The following XPR1 variants were observed in gnomAD, a reference collection of about 807,000 sequenced individuals.
XPR1 encodes solute carrier family 53 member 1.
In XPR1, 28 loss-of-function variants were observed where a neutral mutation model predicts 87.5. The ratio of observed to expected loss-of-function variants is 0.32; its 90% CI spans 0.24 to 0.44. The LOEUF (loss-of-function observed/expected upper bound fraction) is 0.44. Among genes scored for constraint, XPR1 ranks in the 20% least tolerant of loss-of-function variants. The pLI is 1.00. For missense variants in XPR1, 559 were observed against 862.3 expected (o/e 0.65, Z 4.41); for synonymous variants, 300 against 306.1 (o/e 0.98, Z 0.21).
intron 2 of XPR1, among the ~76,000 whole-genome samples, chr1:180,698,232 T>TCA (rs1657232594): frequency 6.6e-6 from 1 of 152,194 alleles, no homozygotes; most frequent in Non-Finnish European, 1.5e-5. Flanking sequence ...AAGTTTGTTT[T>TCA]ATCTGATAAC....
intron 1 of XPR1, among the ~76,000 whole-genome samples, chr1:180,659,276 C>T: frequency 9.4e-6 from 1 of 105,988 alleles, no homozygotes; most frequent in African/African-American, 3.7e-5. Flanking sequence ...CTCCCTCCCT[C>T]CCTTCTTTCC....
intron 1 of XPR1, among the ~76,000 whole-genome samples, chr1:180,637,913 T>TA (rs1229335323): frequency 6.6e-6 from 1 of 152,210 alleles, no homozygotes; most frequent in African/African-American, 2.4e-5. Context: ...AACTTGACTG[T>TA]AAGTGTATAT....
At chr1:180,825,044 A>T (rs1244166544) in intron 8 of XPR1, 101 bp downstream of exon 8, 4 of 1,499,408 alleles carry the variant, frequency 2.7e-6, no homozygotes, top group Non-Finnish European at 3.6e-6. Context: ...CTTGAAGAGG[A>T]TTATTAGCTT....
chr1:180,880,956 G>A (rs1652835075), intron 14 of XPR1, among the ~76,000 whole-genome samples: 1 of 152,194 alleles, frequency 6.6e-6, no homozygotes, highest in African/African-American at 2.4e-5. Context: ...TGGAATGAAG[G>A]AGGCTTAGGT....
intron 11 of XPR1, among the ~76,000 whole-genome samples, chr1:180,855,916 C>T (rs1652013973): frequency 6.6e-6 from 1 of 152,112 alleles, no homozygotes; most frequent in Non-Finnish European, 1.5e-5. Flanking sequence ...CTGTGCACTG[C>T]TCTCATTTCC....
intron 1 of XPR1, among the ~76,000 whole-genome samples, chr1:180,651,381 G>A (rs936864233): frequency 3.9e-5 from 6 of 152,018 alleles, no homozygotes; most frequent in East Asian, 3.9e-4. Flanking sequence ...TGTGAGCCAC[G>A]CACCTCGCCC....
chr1:180,679,993 G>A (rs903070367), intron 1 of XPR1, among the ~76,000 whole-genome samples: 1 of 151,858 alleles, frequency 6.6e-6, no homozygotes, highest in Admixed American at 6.6e-5. Flanking sequence ...ACACTACAGG[G>A]GATTAATATC....
chr1:180,720,494 A>G (rs1658145976), intron 2 of XPR1, among the ~76,000 whole-genome samples: 1 of 152,214 alleles, frequency 6.6e-6, no homozygotes, highest in Admixed American at 6.5e-5. Context: ...GCATTTATAA[A>G]TTGATGAATT....
intron 3 of XPR1, 36 bp downstream of exon 3, chr1:180,787,890 G>A: frequency 6.9e-7 from 1 of 1,450,174 alleles, no homozygotes; most frequent in Non-Finnish European, 9.6e-7. Flanking sequence ...TTGCTGCCGG[G>A]GAAGGATAAA....
chr1:180,856,158 A>G (rs1390777442), intron 11 of XPR1, among the ~76,000 whole-genome samples: 1 of 152,166 alleles, frequency 6.6e-6, no homozygotes, highest in Non-Finnish European at 1.5e-5. Flanking sequence ...CTCCATTCCT[A>G]TAACCACAAT....
chr1:180,677,574 GT>G (rs980095613), intron 1 of XPR1, among the ~76,000 whole-genome samples: 5 of 152,152 alleles, frequency 3.3e-5, no homozygotes, highest in Non-Finnish European at 5.9e-5. Context: ...ACTGATCTTA[GT>G]TTTATAATAG....
At chr1:180,712,200 C>A (rs529785385) in intron 2 of XPR1, among the ~76,000 whole-genome samples, 2 of 152,032 alleles carry the variant, frequency 1.3e-5, no homozygotes, top group Non-Finnish European at 1.5e-5. Context: ...TACTCTTGCC[C>A]TTTGTGGCCA....
At chr1:180,663,463 G>C (rs1429698850) in intron 1 of XPR1, among the ~76,000 whole-genome samples, 2 of 152,172 alleles carry the variant, frequency 1.3e-5, no homozygotes, top group African/African-American at 4.8e-5. Flanking sequence ...AGAGACTCTT[G>C]TTCTCATCTT....
intron 2 of XPR1, among the ~76,000 whole-genome samples, chr1:180,703,476 C>T (rs1657433684): frequency 6.6e-6 from 1 of 152,002 alleles, no homozygotes; most frequent in South Asian, 2.1e-4. Flanking sequence ...AGGTGTTGGC[C>T]ATGGTTAGCA....
chr1:180,792,445 A>G (rs943059451), intron 3 of XPR1, among the ~76,000 whole-genome samples: 1 of 152,150 alleles, frequency 6.6e-6, no homozygotes, highest in Non-Finnish European at 1.5e-5. Flanking sequence ...GCTTCCACAC[A>G]CTTGCTTATA....
chr1:180,703,126 A>G (rs1032410725), intron 2 of XPR1, among the ~76,000 whole-genome samples: 1 of 152,126 alleles, frequency 6.6e-6, no homozygotes, highest in African/African-American at 2.4e-5. Context: ...AGGCTTTGCT[A>G]GGGATGAAAA....
In XPR1 at chr1:180,723,577, A is replaced by T. The variant is rs1197087651; in HGVS notation, c.121+41166A>T. Among the ~76,000 whole-genome samples, 6 of 152,224 alleles carry T rather than the reference A, an allele frequency of 3.9e-5. No individual in the cohort carries two copies. In the East Asian group the frequency reaches 1.2e-3, roughly 29 times the overall value. On this transcript the variant is annotated intron_variant, in intron 2 of 14. Transcript: ENST00000367590. ...CCTGCCTCTTGAGAAAATGCTTCCCATCTGGTTAGAGACTAGATGACATAA... is the reference window on the plus strand; with the variant it reads ...CCTGCCTCTTGAGAAAATGCTTCCCTTCTGGTTAGAGACTAGATGACATAA...
At chr1:180,830,332 G>A (rs1053639862) in intron 9 of XPR1, among the ~76,000 whole-genome samples, 1 of 152,118 alleles carries the variant, frequency 6.6e-6, no homozygotes, top group Non-Finnish European at 1.5e-5. Context: ...TTAAGAGACT[G>A]AGCCATGGAA....
chr1:180,659,415 CCTTCCTTCCT>C (rs1655681747), intron 1 of XPR1, among the ~76,000 whole-genome samples: 1 of 130,212 alleles, frequency 7.7e-6, no homozygotes, highest in Non-Finnish European at 1.6e-5. Context: ...TTCCTTCCTT[CCTTCCTTCCT>C]TCCTTCCTTC....
Sources: allele counts gnomAD v4.1 joint callset (sites outside exome capture counted in the v4.1 genomes callset), GRCh38; gene constraint gnomAD v4.1.1; transcripts MANE v1.5; gene names NCBI Gene and HGNC (gene_info 2026-07-23, HGNC 2026-07-21).